Variants in EPB41L1 observed in about 807,000 individuals in gnomAD.
The protein encoded by EPB41L1 is erythrocyte membrane protein band 4.1 like 1, also known as band 4.1-like protein 1.
A neutral mutation model predicts 97.8 loss-of-function variants in EPB41L1; 29 were observed. The ratio of observed to expected loss-of-function variants is 0.30; its 90% CI spans 0.22 to 0.40. EPB41L1 has a LOEUF of 0.40. Ranked by LOEUF, EPB41L1 falls within the 10% of genes least tolerant of loss-of-function variation. The pLI is 1.00. For missense variants in EPB41L1, 812 were observed against 1,162.3 expected, an observed-to-expected ratio of 0.70 and a Z score of 4.38; for synonymous variants, 383 against 459.2, an observed-to-expected ratio of 0.83 and a Z score of 2.12.
At chr20:36,152,123 A>G (rs2060080198), upstream of EPB41L1, 1 of 152,260 alleles carries the variant, frequency 6.6e-6, no homozygotes. Flanking sequence ...GAAAAAAAAA[A>G]AGATGAGGGA....
At chr20:36,202,654 A>G (rs2062560223) in intron 14 of EPB41L1, among the ~76,000 whole-genome samples, 1 of 151,390 alleles carries the variant, frequency 6.6e-6, no homozygotes, top group South Asian at 2.1e-4. Flanking sequence ...AATAATAATA[A>G]TAATAATAAT....
chr20:36,230,888 C>A lies in EPB41L1; in HGVS notation c.*1548C>A, dbSNP rs1429587069. The A allele has an allele frequency of 6.6e-6, 1 of 152,034 alleles. No homozygotes were observed. Among genetic ancestry groups the A allele is most frequent in the Non-Finnish European group, 1.5e-5 (1 of 68,078 alleles). The allele number at this position is 152,034 out of a possible 1,614,324, so 9.4% of individuals were successfully genotyped here. On this transcript the variant is annotated 3_prime_UTR_variant, in exon 22 of 22. Transcript: ENST00000338074. ...GTAGAAGATGGTGGCTTTAACCTGA[C>A]TGTCTAAAAATTCCCAGCTAAGCCT...
At position 36,173,958 on chromosome 20, in the gene EPB41L1, T is replaced by C. The variant is rs2061109815; in HGVS notation, c.177+4T>C. On this transcript the variant is annotated splice_donor_region_variant and intron_variant, in intron 2 of 21. Coordinates refer to ENST00000338074, the MANE Select transcript of EPB41L1 (RefSeq NM_012156.2). ...GGACACGCGGCCTGCTGAACAGGTG[T>C]GTGCCCGAGAGCATGGGCGTACCTT... 2 of 1,611,168 alleles carry C rather than the reference T, an allele frequency of 1.2e-6. No homozygotes were observed. The highest frequency in any genetic ancestry group is 2.2e-5 in the East Asian group (1 of 44,728).
At chr20:36,173,198 GT>G (rs1173724720) in intron 1 of EPB41L1, among the ~76,000 whole-genome samples, 1 of 152,108 alleles carries the variant, frequency 6.6e-6, no homozygotes, top group Admixed American at 6.6e-5. Context: ...GCGTTTTTTT[GT>G]TTTGTTTTGT....
At chr20:36,204,418 T>C (rs1407859263) in intron 14 of EPB41L1, among the ~76,000 whole-genome samples, 3 of 151,414 alleles carry the variant, frequency 2.0e-5, no homozygotes, top group Non-Finnish European at 4.4e-5. Context: ...TGAAGAACTC[T>C]TGGGGGAGGT....
In EPB41L1 at chr20:36,188,631, CACACACACACAGAGAG is replaced by C. The variant is rs1406672748; in HGVS notation, c.1026+134_1026+149del. The C allele has an allele frequency of 3.1e-4, 199 of 639,944 alleles. No individual in the cohort carries two copies. In the African/African-American group the frequency reaches 4.8e-3, roughly 15 times the overall value. 39.6% of individuals were successfully genotyped at this position (639,944 alleles called of 1,614,324 possible). On this transcript the variant is annotated intron_variant, in intron 9 of 21. Coordinates refer to ENST00000338074, the MANE Select transcript of EPB41L1 (RefSeq NM_012156.2). ...ACACACACACACACACACACACACA[CACACACACACAGAGAG>C]AGAGAGAGAGAGAGAGAGAGAGGAG...
chr20:36,212,214 T>G lies in EPB41L1; in HGVS notation c.2080-58T>G. The G allele has an allele frequency of 6.5e-6, 10 of 1,536,204 alleles. No individual in the cohort carries two copies. The highest frequency in any genetic ancestry group is 1.1e-5 in the South Asian group (1 of 89,392). On this transcript the variant is annotated intron_variant, in intron 15 of 21. Transcript: ENST00000338074. The surrounding 1 kb of genome is among the most constrained non-coding windows in gnomAD (Gnocchi z 4.8). ...GCAGACACCACACTGCAATTGTCTGTGAGCAAGGGTCATGCTAGGGTTTCA... is the reference window on the plus strand; with the variant it reads ...GCAGACACCACACTGCAATTGTCTGGGAGCAAGGGTCATGCTAGGGTTTCA...
At chr20:36,183,295 C>A (rs1320707433) in intron 6 of EPB41L1, among the ~76,000 whole-genome samples, 1 of 152,228 alleles carries the variant, frequency 6.6e-6, no homozygotes, top group Non-Finnish European at 1.5e-5. Context: ...CCTCCTTCAT[C>A]TTCATGTTGA....
Position 36,185,150 on chromosome 20 carries a change from C to T in EPB41L1, c.600C>T (p.Ile200=). ...TGTGCCTGCAGCTGCGGGCAGACAT[C>T]ATCACGGGCCGGCTGCCATGCTCCT... is the stretch of plus-strand genomic sequence containing the variant. ...YYLCLQLRAD[I]ITGRLPCSFV... Residue 200 remains isoleucine, a synonymous_variant, in exon 7 of 22, where the codon ATC becomes ATT. Transcript: ENST00000338074. The T allele has an allele frequency of 1.2e-6, 2 of 1,612,758 alleles. No individual in the cohort carries two copies.
At chr20:36,148,393 A>T (rs1030896332) in intron 2 of EPB41L1, among the ~76,000 whole-genome samples, 1 of 152,172 alleles carries the variant, frequency 6.6e-6, no homozygotes, top group Non-Finnish European at 1.5e-5. Context: ...TAGAAGAATA[A>T]CTATGGGAAA....
rs564589353 is a variant in EPB41L1 at position 36,220,930 on chromosome 20, C to T, written c.2440-934C>T. 1.4e-4 allele frequency among the ~76,000 whole-genome samples: 21 copies of T among 152,328 alleles called. No individual in the cohort carries two copies. In the East Asian group the frequency reaches 2.7e-3, roughly 20 times the overall value. Reference sequence around the variant, plus strand: ...TGGTCAGTTGCACTGGGCCTTCATGCACGGACTGTCCTGGCCTCTGCCTGC... The same window carrying T: ...TGGTCAGTTGCACTGGGCCTTCATGTACGGACTGTCCTGGCCTCTGCCTGC... On this transcript the variant is annotated intron_variant, in intron 19 of 21. Coordinates refer to ENST00000338074, the MANE Select transcript of EPB41L1 (RefSeq NM_012156.2).
intron 21 of EPB41L1, among the ~76,000 whole-genome samples, chr20:36,227,628 A>G (rs188942091): frequency 2.0e-5 from 3 of 152,240 alleles, no homozygotes; most frequent in Admixed American, 2.0e-4. Context: ...ATTCTCCACC[A>G]CCAGCCTGGT....
intron 1 of EPB41L1, among the ~76,000 whole-genome samples, chr20:36,103,260 C>T (rs1029014568): frequency 1.8e-4 from 27 of 152,202 alleles, no homozygotes; most frequent in African/African-American, 6.5e-4. Context: ...TTCCCAGCAC[C>T]TAGCATGGGG....
At position 36,231,746 on chromosome 20, in the gene EPB41L1, CT is replaced by C. The variant is rs1234447877; in HGVS notation, c.*2407del. 1.3e-5 allele frequency: 2 copies of C among 152,684 alleles called. No individual in the cohort carries two copies. Among genetic ancestry groups the C allele is most frequent in the African/African-American group, 4.8e-5 (2 of 41,476 alleles). The allele number at this position is 152,684 out of a possible 1,614,324, so 9.5% of individuals were successfully genotyped here. On this transcript the variant is annotated 3_prime_UTR_variant, in exon 22 of 22. Transcript: ENST00000338074. ...GTGCAGGCCGGTGGGTCCACTCCAA[CT>C]CCCCCTGAGTGTAGCAGCACACTTT...
chr20:36,161,927 A>AT (rs1303063444), intron 1 of EPB41L1, among the ~76,000 whole-genome samples: 1 of 151,850 alleles, frequency 6.6e-6, no homozygotes, highest in Non-Finnish European at 1.5e-5. Context: ...TGCCCGGCTA[A>AT]TTTGGGGGGG....
chr20:36,098,167 TG>T (rs1853059197), intron 1 of EPB41L1, among the ~76,000 whole-genome samples: 1 of 152,146 alleles, frequency 6.6e-6, no homozygotes, highest in South Asian at 2.1e-4. Flanking sequence ...CACGACAGCC[TG>T]GCCCTGGAAG....
rs144803252 is a variant in EPB41L1 at position 36,221,160 on chromosome 20, G to T, written c.2440-704G>T. On this transcript the variant is annotated intron_variant, in intron 19 of 21. Transcript: ENST00000338074. ...TTCTTTCTATCCACTCCTGACTCCA[G>T]CTGGGATTCCCCACAGACACCACCC... Among the ~76,000 whole-genome samples, 476 of 152,300 alleles carry T rather than the reference G, an allele frequency of 3.1e-3. 3 individuals are homozygous for T. The highest frequency in any genetic ancestry group is 0.011 in the African/African-American group (462 of 41,556).
intron 2 of EPB41L1, among the ~76,000 whole-genome samples, chr20:36,130,756 TTCTC>T (rs754299683): frequency 5.7e-4 from 80 of 139,410 alleles, no homozygotes; most frequent in Middle Eastern, 3.7e-3. Flanking sequence ...TTTTTTATTT[TTCTC>T]TCTCTCTCTA....
intron 2 of EPB41L1, among the ~76,000 whole-genome samples, chr20:36,144,133 G>A (rs62213178): frequency 0.016 from 2,500 of 152,268 alleles, 31 homozygotes; most frequent in Non-Finnish European, 0.026. Context: ...AATTACAGGC[G>A]TCAGCCACTG....
Sources: gnomAD v4.1 joint callset for allele counts (sites outside exome capture counted in the v4.1 genomes callset) on GRCh38, gnomAD v4.1.1 for gene constraint, Gnocchi (gnomAD v3.1) non-coding constraint, MANE v1.5 for transcripts, NCBI Gene and HGNC (gene_info 2026-07-23, HGNC 2026-07-21) for gene names.